ARHGEF3: variants seen among roughly 807,000 people sequenced by gnomAD.
The protein encoded by ARHGEF3 is 59.8 kDA protein.
A neutral mutation model predicts 63.2 loss-of-function variants in ARHGEF3; 28 were observed. The observed-to-expected ratio is 0.44, with a 90% CI of 0.33 to 0.61. The LOEUF is 0.61. Among genes scored for constraint, ARHGEF3 ranks in the 20% least tolerant of loss-of-function variants. The pLI is 0.03. For missense variants in ARHGEF3, 533 were observed against 659.3 expected (o/e 0.81, Z 2.10); for synonymous variants, 266 against 254.2 (o/e 1.05, Z -0.44).
intron 1 of ARHGEF3, among the ~76,000 whole-genome samples, chr3:57,053,815 C>T (rs1704783163): frequency 6.6e-6 from 1 of 152,192 alleles, no homozygotes; most frequent in South Asian, 2.1e-4. Context: ...GTTTTATCCG[C>T]GTTGTGGCAT....
chr3:56,770,284 C>A (rs1399959720), intron 2 of ARHGEF3, among the ~76,000 whole-genome samples: 2 of 151,976 alleles, frequency 1.3e-5, no homozygotes, highest in African/African-American at 4.8e-5. Flanking sequence ...ATGGTGGGCA[C>A]CTGTAATCCC....
chr3:56,934,111 C>T (rs534108423), intron 3 of ARHGEF3, among the ~76,000 whole-genome samples: 48 of 152,308 alleles, frequency 3.2e-4, no homozygotes, highest in African/African-American at 1.0e-3. Context: ...TACCCAGTTT[C>T]GGGTATTTCT....
chr3:56,864,575 G>T (rs1332714174), intron 4 of ARHGEF3, among the ~76,000 whole-genome samples: 1 of 151,974 alleles, frequency 6.6e-6, no homozygotes, highest in Non-Finnish European at 1.5e-5. Flanking sequence ...TCCATAATTG[G>T]ACTGTAAGTC....
In ARHGEF3 at chr3:56,755,161, G is replaced by A. The variant is rs1478121842; in HGVS notation, c.205-10C>T. 3.1e-6 allele frequency: 5 copies of A among 1,611,652 alleles called. No homozygotes were observed. In the South Asian group the frequency reaches 3.3e-5, roughly 11 times the overall value. Reference sequence around the variant, plus strand: ...GGAAGCTAATGGAGCGCTAAACAATGAGAAAAACAAACCATCACGGGGGCA... The same window carrying A: ...GGAAGCTAATGGAGCGCTAAACAATAAGAAAAACAAACCATCACGGGGGCA... On this transcript the variant is annotated splice_polypyrimidine_tract_variant and intron_variant, in intron 2 of 9. Coordinates refer to ENST00000296315, the MANE Select transcript of ARHGEF3 (RefSeq NM_019555.3).
chr3:57,001,296 A>C (rs1229017892), intron 2 of ARHGEF3, among the ~76,000 whole-genome samples: 1 of 152,246 alleles, frequency 6.6e-6, no homozygotes, highest in Admixed American at 6.5e-5. Flanking sequence ...ACGTTGATGC[A>C]TGCAGGTGAT....
At chr3:56,915,777 C>T (rs1467272338) in intron 3 of ARHGEF3, among the ~76,000 whole-genome samples, 1 of 152,204 alleles carries the variant, frequency 6.6e-6, no homozygotes, top group Non-Finnish European at 1.5e-5. Context: ...AAAACAGTTG[C>T]TCCAACCAGC....
At chr3:57,039,816 G>A (rs559338314) in intron 1 of ARHGEF3, among the ~76,000 whole-genome samples, 1 of 152,164 alleles carries the variant, frequency 6.6e-6, no homozygotes, top group South Asian at 2.1e-4. Context: ...GAATCCTTGT[G>A]ACTACACTGG....
At chr3:56,993,459 C>T (rs1017103690) in intron 2 of ARHGEF3, among the ~76,000 whole-genome samples, 3 of 152,022 alleles carry the variant, frequency 2.0e-5, no homozygotes, top group Non-Finnish European at 4.4e-5. Flanking sequence ...ACTGCAGCTT[C>T]GGCCTCCTGG....
intron 2 of ARHGEF3, among the ~76,000 whole-genome samples, chr3:56,993,272 GCT>G (rs1245073454): frequency 6.6e-5 from 10 of 152,178 alleles, no homozygotes; most frequent in African/African-American, 2.2e-4. Context: ...AGAGGTTTTT[GCT>G]CTCTTTCCTG....
upstream of ARHGEF3, chr3:56,802,115 G>A (rs971775509): frequency 8.3e-6 from 7 of 841,002 alleles, no homozygotes; most frequent in South Asian, 1.3e-4. Flanking sequence ...CGCGGGTGGA[G>A]AGGGACCTCT....
chr3:57,077,623 G>A (rs1439865341), intron 1 of ARHGEF3, among the ~76,000 whole-genome samples: 2 of 152,110 alleles, frequency 1.3e-5, no homozygotes, highest in South Asian at 2.1e-4. Context: ...ACAAGATCAG[G>A]TCCCTGGACC....
chr3:57,074,308 TTGTC>T (rs1423451349), intron 1 of ARHGEF3: 27 of 1,567,322 alleles, frequency 1.7e-5, no homozygotes, highest in Non-Finnish European at 2.4e-5. Context: ...TGGCAGCTGT[TTGTC>T]TGGGCCTTTG....
chr3:57,007,352 C>A, intron 2 of ARHGEF3: 1 of 1,289,752 alleles, frequency 7.8e-7, no homozygotes, highest in South Asian at 1.2e-5. Context: ...GGAAAGACAG[C>A]CATGAAACAG....
At chr3:57,003,848 A>T (rs1405696726) in intron 2 of ARHGEF3, among the ~76,000 whole-genome samples, 1 of 152,184 alleles carries the variant, frequency 6.6e-6, no homozygotes, top group Non-Finnish European at 1.5e-5. Flanking sequence ...CAGGAAACCG[A>T]TCCTTCCCTA....
intron 2 of ARHGEF3, among the ~76,000 whole-genome samples, chr3:57,009,514 C>T (rs1056906512): frequency 2.0e-5 from 3 of 151,966 alleles, no homozygotes; most frequent in African/African-American, 4.8e-5. Flanking sequence ...GATCTCTGAG[C>T]GGGGTGGTAG....
At chr3:56,837,987 G>A (rs2039175223) in intron 4 of ARHGEF3, among the ~76,000 whole-genome samples, 1 of 152,172 alleles carries the variant, frequency 6.6e-6, no homozygotes, top group Non-Finnish European at 1.5e-5. Context: ...TTCCACTGCT[G>A]GGAATACAGC....
intron 2 of ARHGEF3, among the ~76,000 whole-genome samples, chr3:57,013,785 C>G (rs909674362): frequency 2.6e-5 from 4 of 152,186 alleles, no homozygotes; most frequent in African/African-American, 9.7e-5. Context: ...TGTAAACATA[C>G]CAATCAGCAC....
Position 56,773,787 on chromosome 3 carries a change from A to C in ARHGEF3, c.126T>G (p.Leu42=), listed in dbSNP as rs1250622668. ...GGTTTGCTAGCGACGTGACTCGGGA[A>C]AGGGGTTTGACCCGTTTATTACTAG... The part of the protein sequence containing the change: ...EEPSNKRVKP[L]SRVTSLANLI... The change falls in exon 2 of 10, where the codon CTT becomes CTG. Residue 42 remains leucine (L), a synonymous_variant. Transcript: ENST00000296315. 13 of 1,604,642 alleles carry C rather than the reference A, an allele frequency of 8.1e-6. No homozygotes were observed. The highest frequency in any genetic ancestry group is 1.1e-5 in the Non-Finnish European group (13 of 1,177,144).
At chr3:56,827,126 A>T (rs2038746279) in intron 4 of ARHGEF3, among the ~76,000 whole-genome samples, 1 of 152,228 alleles carries the variant, frequency 6.6e-6, no homozygotes, top group Admixed American at 6.5e-5. Flanking sequence ...TAAAAAGATA[A>T]AATCACTTTA....
Sources: gnomAD v4.1 joint callset for allele counts (sites outside exome capture counted in the v4.1 genomes callset) on GRCh38, gnomAD v4.1.1 for gene constraint, MANE v1.5 for transcripts, NCBI Gene and HGNC (gene_info 2026-07-23, HGNC 2026-07-21) for gene names.